Variants in FHIT observed in about 807,000 individuals in gnomAD.
FHIT encodes bis(5'-adenosyl)-triphosphatase.
Under a neutral mutation model 17.9 loss-of-function variants are expected in FHIT, and 19 were observed. The ratio of observed to expected loss-of-function variants is 1.06; its 90% CI spans 0.74 to 1.56. The LOEUF is 1.56. Ranked by LOEUF, FHIT falls within the 40% of genes most tolerant of loss-of-function variation. The pLI is 0.00. For missense variants in FHIT, 248 were observed against 189.2 expected, an observed-to-expected ratio of 1.31 and a Z score of -1.82; for synonymous variants, 81 against 69.7, an observed-to-expected ratio of 1.16 and a Z score of -0.81.
chr3:60,607,453 C>A (rs575733492), intron 4 of FHIT, among the ~76,000 whole-genome samples: 1 of 151,370 alleles, frequency 6.6e-6, no homozygotes, highest in South Asian at 2.1e-4. Flanking sequence ...TAGTCTGCCA[C>A]TAATTAAAAG....
chr3:60,288,372 C>T (rs1333914829), intron 5 of FHIT, among the ~76,000 whole-genome samples: 1 of 152,096 alleles, frequency 6.6e-6, no homozygotes, highest in Non-Finnish European at 1.5e-5. Flanking sequence ...TCACTGGAAG[C>T]CACCTGGAAG....
At chr3:60,911,868 A>C (rs2107273647) in intron 3 of FHIT, among the ~76,000 whole-genome samples, 1 of 152,340 alleles carries the variant, frequency 6.6e-6, no homozygotes, top group Admixed American at 6.5e-5. Context: ...ACACACAATG[A>C]AAACAAGAAA....
At chr3:60,253,592 T>C (rs890748678) in intron 5 of FHIT, among the ~76,000 whole-genome samples, 1 of 152,248 alleles carries the variant, frequency 6.6e-6, no homozygotes, top group African/African-American at 2.4e-5. Context: ...TATTCTCCTA[T>C]ACTGTAGACT....
At chr3:59,845,864 T>A (rs1471739350) in intron 8 of FHIT, among the ~76,000 whole-genome samples, 1 of 152,162 alleles carries the variant, frequency 6.6e-6, no homozygotes, top group Non-Finnish European at 1.5e-5. Flanking sequence ...TAGCATTTTT[T>A]ATTTAAAGTC....
intron 5 of FHIT, among the ~76,000 whole-genome samples, chr3:60,031,615 C>G (rs1701004831): frequency 1.3e-5 from 2 of 152,152 alleles, no homozygotes; most frequent in South Asian, 4.1e-4. Flanking sequence ...AACCAAACAG[C>G]ACCAATGATG....
At chr3:59,887,152 T>G (rs943172725) in intron 8 of FHIT, among the ~76,000 whole-genome samples, 2 of 152,212 alleles carry the variant, frequency 1.3e-5, no homozygotes, top group African/African-American at 4.8e-5. Flanking sequence ...ACCCAGAATT[T>G]GAACTTCAGC....
chr3:60,445,878 T>C (rs1414838850), intron 5 of FHIT, among the ~76,000 whole-genome samples: 1 of 152,078 alleles, frequency 6.6e-6, no homozygotes, highest in African/African-American at 2.4e-5. Flanking sequence ...AATGTGAAAC[T>C]GTAATAGCCA....
chr3:59,779,333 G>A (rs1216345589), intron 8 of FHIT, among the ~76,000 whole-genome samples: 1 of 152,132 alleles, frequency 6.6e-6, no homozygotes, highest in African/African-American at 2.4e-5. Flanking sequence ...CAGGTTCCAG[G>A]AAGCTGAAGC....
intron 5 of FHIT, among the ~76,000 whole-genome samples, chr3:60,229,532 A>G (rs773413948): frequency 6.6e-6 from 1 of 152,162 alleles, no homozygotes; most frequent in African/African-American, 2.4e-5. Flanking sequence ...AAATTAAGGA[A>G]CAGGTGTACA....
intron 5 of FHIT, among the ~76,000 whole-genome samples, chr3:60,184,121 C>T (rs777200763): frequency 3.3e-5 from 5 of 151,890 alleles, no homozygotes; most frequent in Non-Finnish European, 5.9e-5. Flanking sequence ...CTGAGTAACT[C>T]GGATTACCGG....
At chr3:60,492,773 C>T (rs1468323540) in intron 5 of FHIT, among the ~76,000 whole-genome samples, 1 of 152,034 alleles carries the variant, frequency 6.6e-6, no homozygotes, top group African/African-American at 2.4e-5. Flanking sequence ...CCAATGACAG[C>T]AATTTTTTAG....
intron 5 of FHIT, among the ~76,000 whole-genome samples, chr3:60,191,449 C>G (rs1197337942): frequency 3.3e-5 from 5 of 152,156 alleles, no homozygotes; most frequent in Admixed American, 3.3e-4. Context: ...TTCAAGTCCA[C>G]TGAACTGAAA....
chr3:61,214,221 G>C (rs1388618446), intron 1 of FHIT, among the ~76,000 whole-genome samples: 1 of 151,868 alleles, frequency 6.6e-6, no homozygotes, highest in Admixed American at 6.6e-5. Flanking sequence ...TCCAGGAGCT[G>C]GTTTTTTGAA....
chr3:60,483,414 A>G lies in FHIT; in HGVS notation c.103+53446T>C, dbSNP rs188250290. Among the ~76,000 whole-genome samples, 251 of 152,334 alleles carry G rather than the reference A, an allele frequency of 1.6e-3. 2 individuals are homozygous for G. The highest frequency in any genetic ancestry group is 1.6e-3 in the Non-Finnish European group (106 of 68,030). On this transcript the variant is annotated intron_variant, in intron 5 of 9. Coordinates refer to ENST00000492590, the MANE Select transcript of FHIT (RefSeq NM_002012.4). ...AGGCCAATATCCCTGATGAGCATCA[A>G]TGCGAAAATCCTCTGTAAAATACTG...
intron 3 of FHIT, among the ~76,000 whole-genome samples, chr3:60,955,708 A>T (rs1258137465): frequency 6.7e-6 from 1 of 148,446 alleles, no homozygotes; most frequent in East Asian, 1.9e-4. Context: ...ACATGAATGG[A>T]TACTTCATCC....
intron 4 of FHIT, among the ~76,000 whole-genome samples, chr3:60,569,755 A>ATATATATATATATTTTTTTTTTTT: frequency 1.3e-5 from 1 of 77,344 alleles, no homozygotes; most frequent in African/African-American, 4.8e-5. Flanking sequence ...ATATATATAT[A>ATATATATATATATTTTTTTTTTTT]TTTTTTTTTT....
chr3:60,827,207 C>A (rs1346804948), intron 3 of FHIT, among the ~76,000 whole-genome samples: 2 of 152,074 alleles, frequency 1.3e-5, no homozygotes, highest in Admixed American at 6.5e-5. Context: ...GAAGTGAAAG[C>A]CCAAAGTGAC....
At chr3:61,189,834 A>G in intron 2 of FHIT, among the ~76,000 whole-genome samples, 1 of 152,140 alleles carries the variant, frequency 6.6e-6, no homozygotes, top group African/African-American at 2.4e-5. Flanking sequence ...GCAATGGGGA[A>G]AGGATTCCCT....
At chr3:59,879,709 T>C (rs1257828718) in intron 8 of FHIT, among the ~76,000 whole-genome samples, 1 of 152,190 alleles carries the variant, frequency 6.6e-6, no homozygotes, top group Non-Finnish European at 1.5e-5. Flanking sequence ...AAACATTATA[T>C]TGGACACTGG....
Sources: allele counts gnomAD v4.1 joint callset (sites outside exome capture counted in the v4.1 genomes callset), GRCh38; gene constraint gnomAD v4.1.1; transcripts MANE v1.5; gene names NCBI Gene and HGNC (gene_info 2026-07-23, HGNC 2026-07-21).